The following IFT122 variants were observed in gnomAD, a reference collection of about 807,000 sequenced individuals.
IFT122 encodes intraflagellar transport 122, also known as intraflagellar transport protein 122 homolog.
A neutral mutation model predicts 161.6 loss-of-function variants in IFT122; 118 were observed. The ratio of observed to expected loss-of-function variants is 0.73; its 90% CI spans 0.63 to 0.85. The LOEUF is 0.85. Ranked by LOEUF, IFT122 falls within the 40% of genes least tolerant of loss-of-function variation. IFT122 has a pLI of 0.00. For synonymous variants in IFT122, 550 were observed against 602.4 expected, an observed-to-expected ratio of 0.91 and a Z score of 1.27; for missense variants, 1,381 against 1,579.6, an observed-to-expected ratio of 0.87 and a Z score of 2.13.
intron 9 of IFT122, 28 bp from the exon 10 acceptor site, chr3:129,476,287 T>G: frequency 6.2e-7 from 1 of 1,613,622 alleles, no homozygotes; most frequent in South Asian, 1.1e-5. Flanking sequence ...AAATGGTTTT[T>G]CCCTTGCTGT....
chr3:129,489,333 A>G (rs1285378551), intron 16 of IFT122, among the ~76,000 whole-genome samples: 4 of 152,194 alleles, frequency 2.6e-5, no homozygotes, highest in African/African-American at 7.2e-5. Flanking sequence ...TTGGAGCCCC[A>G]GTCCTCCCAG....
In IFT122 at chr3:129,492,816, C is replaced by CTT. The variant is rs376279677; in HGVS notation, c.2046+639_2046+640dup. ...GTGGTCAACACTATGCTTTTTTTTT[C>CTT]TTTTTTTTTTTTTTTTTTCTGAAAC... On this transcript the variant is annotated intron_variant, in intron 17 of 29. Transcript: ENST00000348417. 9.1e-3 allele frequency among the ~76,000 whole-genome samples: 1,143 copies of CTT among 125,696 alleles called. 33 individuals are homozygous for CTT. The East Asian group carries it at 0.11, about 12-fold the overall frequency. 82.5% of individuals were successfully genotyped at this position (125,696 alleles called of 152,430 possible). A position where few individuals can be genotyped will look rare whatever the true frequency, so the allele number is the denominator to read the frequency against.
In IFT122 at chr3:129,500,143, C is replaced by A. The variant is rs2081356084; in HGVS notation, c.2375+75C>A. 4.0e-6 allele frequency: 6 copies of A among 1,509,924 alleles called. No homozygotes were observed. In the South Asian group the frequency reaches 5.6e-5, roughly 14 times the overall value. 93.5% of individuals were successfully genotyped at this position (1,509,924 alleles called of 1,614,324 possible). On this transcript the variant is annotated intron_variant, in intron 19 of 29. Coordinates refer to ENST00000348417, the MANE Select transcript of IFT122 (RefSeq NM_052989.3). ...TGTCACCTCTTGACTGACAAGGGAA[C>A]CAATAGTGCTTTTCTAATTATCTAA...
In IFT122 at chr3:129,512,384, A is replaced by G. The variant is rs779395113; in HGVS notation, c.2959A>G (p.Lys987Glu). 3.1e-6 allele frequency: 5 copies of G among 1,612,880 alleles called. No individual in the cohort carries two copies. Among genetic ancestry groups the G allele is most frequent in the Non-Finnish European group, 4.2e-6 (5 of 1,178,968 alleles). Residue 987 changes from lysine to glutamate, a missense_variant, in exon 24 of 30, where the codon AAG becomes GAG. Physicochemically the swap from Lys to Glu is moderately conservative, Grantham distance 56. Coordinates refer to ENST00000348417, the MANE Select transcript of IFT122 (RefSeq NM_052989.3). The stretch of plus-strand genomic sequence containing the variant: ...CAGGTTCCTGCTGCACAGCCTGCCC[A>G]AGGACACCCCCTCGGGCATCTCTAA... ...ISRFLLHSLP[K>E]DTPSGISKVK... is the part of the protein sequence containing the mutation.
chr3:129,489,529 G>T (rs1039260631), intron 16 of IFT122, among the ~76,000 whole-genome samples: 1 of 152,150 alleles, frequency 6.6e-6, no homozygotes, highest in Non-Finnish European at 1.5e-5. Context: ...AAGTGGAGAT[G>T]GAGGAGGCTG....
At position 129,519,485 on chromosome 3, in the gene IFT122, A is replaced by C. The variant is rs1010943667; in HGVS notation, c.3472-83A>C. The C allele has an allele frequency of 8.9e-6, 14 of 1,576,904 alleles. No homozygotes were observed. The African/African-American group carries it at 1.8e-4, about 20-fold the overall frequency. ...AAGCAGGTCCTCTCTCACCACTGCC[A>C]AAGATTCCAGGATCATAATCCACAC... On this transcript the variant is annotated intron_variant, in intron 28 of 29. Coordinates refer to ENST00000348417, the MANE Select transcript of IFT122 (RefSeq NM_052989.3).
rs547332856 is a variant in IFT122, at chr3:129,520,368, A to G, written c.*103A>G. The G allele has an allele frequency of 2.1e-6, 2 of 972,566 alleles. No homozygotes were observed. The highest frequency in any genetic ancestry group is 4.0e-5 in the Admixed American group (2 of 50,296). The allele number at this position is 972,566 out of a possible 1,614,324, so 60.2% of individuals were successfully genotyped here. A position where few individuals can be genotyped will look rare whatever the true frequency, so the allele number is the denominator to read the frequency against. On this transcript the variant is annotated 3_prime_UTR_variant, in exon 30 of 30. Coordinates refer to ENST00000348417, the MANE Select transcript of IFT122 (RefSeq NM_052989.3). ...CTGTCAGAATGTGTTTCTTGCCCAG[A>G]TGAAGTTTGTGTTTTGTGGGGGGGG...
intron 3 of IFT122, among the ~76,000 whole-genome samples, chr3:129,457,122 G>C (rs998282471): frequency 6.6e-6 from 1 of 152,034 alleles, no homozygotes; most frequent in East Asian, 1.9e-4. Flanking sequence ...CTTAATCCTC[G>C]TCTCTCACCA....
chr3:129,511,191 C>G (rs1178630508), intron 23 of IFT122, among the ~76,000 whole-genome samples: 2 of 152,198 alleles, frequency 1.3e-5, no homozygotes, highest in Admixed American at 6.5e-5. Context: ...GACTCCCCTG[C>G]TACCTATTCT....
rs116196975 is a variant in IFT122 at position 129,460,897 on chromosome 3, C to A, written c.273-331C>A. On this transcript the variant is annotated intron_variant, in intron 4 of 29. Coordinates refer to ENST00000348417, the MANE Select transcript of IFT122 (RefSeq NM_052989.3). ...TTCATTGCACCTCCATCTTCCATTT[C>A]TGGGCCTCCACAAAACAGTAAGAGT... 494 of 1,614,128 alleles carry A rather than the reference C, an allele frequency of 3.1e-4. 4 individuals are homozygous for A. The African/African-American group carries it at 5.8e-3, about 19-fold the overall frequency.
At chr3:129,520,055 C>CT (rs1428259250) in intron 29 of IFT122, 121 bp from the exon 30 acceptor site, 1 of 805,314 alleles carries the variant, frequency 1.2e-6, no homozygotes, top group East Asian at 2.6e-5. Flanking sequence ...TGCTGCAGGT[C>CT]TGTGTCCAGC....
At position 129,481,706 on chromosome 3, in the gene IFT122, G is replaced by C; in HGVS notation, c.1653+12G>C. On this transcript the variant is annotated intron_variant, in intron 14 of 29. Transcript: ENST00000348417. Reference sequence around the variant, plus strand: ...AGCTGCTTTTTCAGGTGAAGTCCCTGAGGGGGCCCAGGGACATCATCCTTT... The same window carrying C: ...AGCTGCTTTTTCAGGTGAAGTCCCTCAGGGGGCCCAGGGACATCATCCTTT... 6.2e-7 allele frequency: 1 copy of C among 1,613,746 alleles called. No homozygotes were observed. The highest frequency in any genetic ancestry group is 8.5e-7 in the Non-Finnish European group (1 of 1,179,708).
intron 16 of IFT122, among the ~76,000 whole-genome samples, chr3:129,490,660 G>A (rs759256225): frequency 1.6e-4 from 25 of 152,240 alleles, no homozygotes; most frequent in Non-Finnish European, 3.4e-4. Flanking sequence ...AAGCAGAGAA[G>A]TAGGCTCAGA....
At chr3:129,463,259 A>T in intron 5 of IFT122, 1 of 354,892 alleles carries the variant, frequency 2.8e-6, no homozygotes, top group South Asian at 2.6e-5. Context: ...CATCAGCGTG[A>T]CACAGAACTA....
At chr3:129,511,700 T>C (rs1030382138) in intron 23 of IFT122, among the ~76,000 whole-genome samples, 5 of 152,216 alleles carry the variant, frequency 3.3e-5, no homozygotes, top group Non-Finnish European at 5.9e-5. Context: ...TGCCTCCTGT[T>C]AGTGCCTATG....
chr3:129,514,778 G>GCCTCAGC (rs1578161294), intron 25 of IFT122: 2 of 634,912 alleles, frequency 3.2e-6, no homozygotes, highest in East Asian at 5.6e-5. Flanking sequence ...CCCGGCCCCG[G>GCCTCAGC]CCTCAGCCCT....
At chr3:129,481,391 G>A (rs762871363) in intron 13 of IFT122, 139 bp from the exon 14 acceptor site, 1 of 805,388 alleles carries the variant, frequency 1.2e-6, no homozygotes, top group South Asian at 1.4e-5. Context: ...CTTTTGATGA[G>A]TCCTTTTCCC....
At chr3:129,482,870 T>G (rs1487803376) in intron 14 of IFT122, among the ~76,000 whole-genome samples, 2 of 152,164 alleles carry the variant, frequency 1.3e-5, no homozygotes, top group African/African-American at 4.8e-5. Flanking sequence ...GGGCCTGAAA[T>G]GTTACTTCCC....
intron 8 of IFT122, among the ~76,000 whole-genome samples, chr3:129,468,885 TTTTC>T (rs1191433197): frequency 2.6e-5 from 4 of 152,386 alleles, no homozygotes; most frequent in African/African-American, 9.6e-5. Flanking sequence ...TAGGTGTTAA[TTTTC>T]TTTCTTCAGG....
Sources: gnomAD v4.1 joint callset for allele counts (sites outside exome capture counted in the v4.1 genomes callset) on GRCh38, gnomAD v4.1.1 for gene constraint, MANE v1.5 for transcripts, NCBI Gene and HGNC (gene_info 2026-07-23, HGNC 2026-07-21) for gene names.